Variants in EGFLAM observed in about 807,000 individuals in gnomAD.
EGFLAM encodes EGF like, fibronectin type III and laminin G domains.
In EGFLAM, 79 loss-of-function variants were observed where a neutral mutation model predicts 113.1. The ratio of observed to expected loss-of-function variants is 0.70; its 90% confidence interval spans 0.58 to 0.84. The LOEUF is 0.84. Ranked by LOEUF, EGFLAM falls within the 40% of genes least tolerant of loss-of-function variation. EGFLAM has a pLI of 0.00. For missense variants in EGFLAM, 1,265 were observed against 1,291.6 expected, an observed-to-expected ratio of 0.98 and a Z score of 0.32; for synonymous variants, 504 against 487.6, an observed-to-expected ratio of 1.03 and a Z score of -0.44.
At chr5:38,441,296 G>A (rs1454041136) in intron 17 of EGFLAM, among the ~76,000 whole-genome samples, 1 of 152,102 alleles carries the variant, frequency 6.6e-6, no homozygotes, top group African/African-American at 2.4e-5. Flanking sequence ...CATAAGGTTT[G>A]ACCTTGGGGG....
At chr5:38,373,724 C>G (rs1166144857) in intron 6 of EGFLAM, among the ~76,000 whole-genome samples, 3 of 152,146 alleles carry the variant, frequency 2.0e-5, no homozygotes, top group African/African-American at 7.2e-5. Flanking sequence ...CATAAACATG[C>G]GAGTGCAGGA....
In EGFLAM at chr5:38,409,069, G is replaced by A; in HGVS notation, c.1314G>A (p.Met438Ile). 2 of 1,593,008 alleles carry A rather than the reference G, an allele frequency of 1.3e-6. No homozygotes were observed. Among genetic ancestry groups the A allele is most frequent in the Non-Finnish European group, 1.7e-6 (2 of 1,168,468 alleles). ...ACGAACACGGGAGGGGGGATTTCAT[G>A]TCCCTGGCTATCATCCGACGCTCCC... ...GENEHGRGDF[M>I]SLAIIRRSLQ... The change falls in exon 10 of 22, where the codon ATG (methionine) becomes ATA (isoleucine). Residue 438 changes from methionine (M) to isoleucine (I), a missense_variant. Coordinates refer to ENST00000322350, the MANE Select transcript of EGFLAM (RefSeq NM_152403.4).
chr5:38,360,118 A>T (rs1402277642), intron 5 of EGFLAM, among the ~76,000 whole-genome samples: 1 of 152,230 alleles, frequency 6.6e-6, no homozygotes, highest in Non-Finnish European at 1.5e-5. Flanking sequence ...TCCTCACAGG[A>T]AGTGACCCTG....
chr5:38,275,038 T>A (rs1204729444), intron 1 of EGFLAM, among the ~76,000 whole-genome samples: 1 of 152,170 alleles, frequency 6.6e-6, no homozygotes, highest in Admixed American at 6.5e-5. Flanking sequence ...GTTATAACTA[T>A]AAGATGTTTT....
intron 1 of EGFLAM, among the ~76,000 whole-genome samples, chr5:38,300,375 C>CTTTT (rs34070893): frequency 7.1e-6 from 1 of 140,644 alleles, no homozygotes; most frequent in African/African-American, 2.6e-5. Flanking sequence ...ATCTCTCTCT[C>CTTTT]TTTTTTTTTT....
chr5:38,382,155 G>C (rs1740526246), intron 6 of EGFLAM, among the ~76,000 whole-genome samples: 1 of 152,102 alleles, frequency 6.6e-6, no homozygotes, highest in African/African-American at 2.4e-5. Flanking sequence ...AGGTCAAAAT[G>C]AAAATTATCT....
At chr5:38,282,921 T>C (rs1758054664) in intron 1 of EGFLAM, among the ~76,000 whole-genome samples, 1 of 152,208 alleles carries the variant, frequency 6.6e-6, no homozygotes, top group Admixed American at 6.5e-5. Flanking sequence ...CAGGGCTCAC[T>C]GCAGCCTTGG....
At chr5:38,325,002 G>T (rs1738840104) in intron 1 of EGFLAM, among the ~76,000 whole-genome samples, 1 of 152,192 alleles carries the variant, frequency 6.6e-6, no homozygotes, top group African/African-American at 2.4e-5. Context: ...GAATTTGAGA[G>T]GCCCAGTGTC....
intron 1 of EGFLAM, among the ~76,000 whole-genome samples, chr5:38,283,678 C>T (rs1364197213): frequency 2.0e-5 from 3 of 152,128 alleles, no homozygotes; most frequent in Non-Finnish European, 4.4e-5. Context: ...GTCTTCTGAC[C>T]CCTGGTCTAC....
intron 1 of EGFLAM, among the ~76,000 whole-genome samples, chr5:38,332,558 C>T (rs539721598): frequency 6.6e-6 from 1 of 152,190 alleles, no homozygotes; most frequent in Non-Finnish European, 1.5e-5. Context: ...AGTGGGAAAT[C>T]AGGGGACTCA....
intron 1 of EGFLAM, among the ~76,000 whole-genome samples, chr5:38,262,886 T>A (rs1272200580): frequency 6.6e-6 from 1 of 152,218 alleles, no homozygotes; most frequent in Non-Finnish European, 1.5e-5. Flanking sequence ...TATGTTGAGC[T>A]GGATAAGAAA....
intron 6 of EGFLAM, among the ~76,000 whole-genome samples, chr5:38,370,887 T>C (rs1237344333): frequency 2.0e-5 from 3 of 152,108 alleles, no homozygotes; most frequent in African/African-American, 7.2e-5. Context: ...CAACATCAAC[T>C]CCTCTGAATG....
rs1742791373 is a variant in EGFLAM, at chr5:38,448,333, A to G, written c.2497A>G (p.Ile833Val). The G allele has an allele frequency of 2.5e-6, 4 of 1,614,190 alleles. No individual in the cohort carries two copies. In the East Asian group the frequency reaches 8.9e-5, roughly 36 times the overall value. The stretch of plus-strand genomic sequence containing the variant: ...AGAAGCCATTGAGATCCCGCAGTTT[A>G]TCGGCCGCAGTTACCTGACGTATGA... ...IIEAIEIPQF[I>V]GRSYLTYDNP... Residue 833 changes from isoleucine to valine, a missense_variant, in exon 18 of 22, where the codon ATC (isoleucine) becomes GTC (valine). Physicochemically the swap from Ile to Val is conservative, Grantham distance 29 (BLOSUM62 3). Transcript: ENST00000322350.
At chr5:38,321,407 G>T (rs10473094) in intron 1 of EGFLAM, among the ~76,000 whole-genome samples, 1 of 152,040 alleles carries the variant, frequency 6.6e-6, no homozygotes, top group African/African-American at 2.4e-5. Flanking sequence ...TGTGTTGCCC[G>T]GTTCCTAAAA....
intron 20 of EGFLAM, among the ~76,000 whole-genome samples, chr5:38,460,461 C>G (rs1743234926): frequency 6.6e-6 from 1 of 152,164 alleles, no homozygotes; most frequent in African/African-American, 2.4e-5. Context: ...GAAACCCACC[C>G]AAAGCTAGGA....
At chr5:38,416,427 G>A (rs994768339) in intron 11 of EGFLAM, among the ~76,000 whole-genome samples, 1 of 152,200 alleles carries the variant, frequency 6.6e-6, no homozygotes, top group Admixed American at 6.5e-5. Context: ...TTATACCTCA[G>A]ACTCATCCGA....
chr5:38,377,116 C>T (rs1442004634), intron 6 of EGFLAM, among the ~76,000 whole-genome samples: 2 of 146,888 alleles, frequency 1.4e-5, no homozygotes, highest in East Asian at 2.0e-4. Flanking sequence ...ACTTGTTCAA[C>T]GTTGTGTTCT....
At chr5:38,414,683 CT>C (rs1430135776) in intron 11 of EGFLAM, among the ~76,000 whole-genome samples, 1 of 152,136 alleles carries the variant, frequency 6.6e-6, no homozygotes, top group Non-Finnish European at 1.5e-5. Context: ...TGGAAGATGA[CT>C]TGAAATCCCT....
chr5:38,463,124 GA>G (rs1743346272), intron 21 of EGFLAM, 113 bp downstream of exon 21: 3 of 1,009,200 alleles, frequency 3.0e-6, no homozygotes, highest in Admixed American at 2.7e-5. Context: ...TGTAAATCAG[GA>G]AGCCCTCCAG....
Sources: gnomAD v4.1 joint callset for allele counts (sites outside exome capture counted in the v4.1 genomes callset) on GRCh38, gnomAD v4.1.1 for gene constraint, MANE v1.5 for transcripts, NCBI Gene and HGNC (gene_info 2026-07-23, HGNC 2026-07-21) for gene names.